The following IQCM variants were observed in gnomAD, a reference collection of about 807,000 sequenced individuals.
IQCM encodes the protein IQ domain-containing protein M.
In IQCM, 45 loss-of-function variants were observed where a neutral mutation model predicts 57.6. That is an observed-to-expected ratio of 0.78 (90% CI 0.62 to 1.00). The LOEUF (loss-of-function observed/expected upper bound fraction) is 1.00, where lower values mean the gene tolerates loss of function less well. Ranked by LOEUF, IQCM falls within the 50% of genes least tolerant of loss-of-function variation. IQCM has a pLI of 0.00. For synonymous variants in IQCM, 148 were observed against 158.9 expected (o/e 0.93, Z 0.51); for missense variants, 468 against 511.6 (o/e 0.91, Z 0.82).
intron 8 of IQCM, among the ~76,000 whole-genome samples, chr4:149,601,601 C>A (rs1382738451): frequency 6.6e-6 from 1 of 152,052 alleles, no homozygotes; most frequent in African/African-American, 2.4e-5. Context: ...CCCTCCCATC[C>A]CTGAAAAAGT....
intron 12 of IQCM, among the ~76,000 whole-genome samples, chr4:149,512,768 C>G (rs1744558886): frequency 6.6e-6 from 1 of 152,150 alleles, no homozygotes. Context: ...AATAAAGTCA[C>G]TATAGTCGTC....
rs552354079 is a variant in IQCM at position 149,590,980 on chromosome 4, A to G, written c.682-2983T>C. On this transcript the variant is annotated intron_variant, in intron 8 of 13. Coordinates refer to ENST00000636793, the MANE Select transcript of IQCM (RefSeq NM_001363507.2). ...TTTAAAAACCTGGTCTTCCCAGGCC[A>G]ATGCATTTGGAGTGACACATTCTAA... Among the ~76,000 whole-genome samples, 169 of 152,134 alleles carry G rather than the reference A, an allele frequency of 1.1e-3. 6 individuals are homozygous for G. In the South Asian group the frequency reaches 0.034, roughly 31 times the overall value.
chr4:149,389,478 A>C (rs930127162), intron 13 of IQCM, among the ~76,000 whole-genome samples: 54 of 151,810 alleles, frequency 3.6e-4, no homozygotes, highest in African/African-American at 1.3e-3. Context: ...ACAATGATAG[A>C]CTGGATTAAG....
At chr4:149,593,554 T>G (rs1753435042) in intron 8 of IQCM, among the ~76,000 whole-genome samples, 1 of 152,140 alleles carries the variant, frequency 6.6e-6, no homozygotes, top group Non-Finnish European at 1.5e-5. Flanking sequence ...AGGGAATGCT[T>G]CCAGTTTTTG....
At chr4:149,516,625 C>A (rs115010515) in intron 12 of IQCM, among the ~76,000 whole-genome samples, 419 of 152,266 alleles carry the variant, frequency 2.8e-3, no homozygotes, top group African/African-American at 9.8e-3. Flanking sequence ...GGCACTGTTT[C>A]TCCCATAGCC....
rs186813521 is a variant in IQCM, at chr4:149,594,201, G to A, written c.682-6204C>T. Among the ~76,000 whole-genome samples the A allele has an allele frequency of 1.7e-3, 261 of 152,126 alleles. 2 individuals are homozygous for A. Among genetic ancestry groups the A allele is most frequent in the Non-Finnish European group, 2.8e-3 (188 of 67,982 alleles). On this transcript the variant is annotated intron_variant, in intron 8 of 13. Coordinates refer to ENST00000636793, the MANE Select transcript of IQCM (RefSeq NM_001363507.2). ...TTAGTCTTGGGAGGGTGTATGTGTC[G>A]AGGAATTTATCCATTTCTTCTCGAT...
intron 12 of IQCM, among the ~76,000 whole-genome samples, chr4:149,434,922 C>T (rs1300664622): frequency 6.6e-6 from 1 of 151,994 alleles, no homozygotes; most frequent in African/African-American, 2.4e-5. Context: ...CTGAGTTCCA[C>T]AATGTGACAT....
At position 149,738,325 on chromosome 4, in the gene IQCM, A is replaced by C. The variant is rs7688067; in HGVS notation, c.38-2867T>G. Among the ~76,000 whole-genome samples, 1,367 of 152,298 alleles carry C rather than the reference A, an allele frequency of 9.0e-3. 10 individuals are homozygous for C. The highest frequency in any genetic ancestry group is 0.03 in the African/African-American group (1,266 of 41,568). On this transcript the variant is annotated intron_variant, in intron 3 of 13. Transcript: ENST00000636793. ...CTGACACTTGCATTTTAAGCCAGCA[A>C]TCCTGCCCCTTGTTGTCATTTAATG...
chr4:149,633,447 T>C (rs559816334), intron 7 of IQCM, among the ~76,000 whole-genome samples: 1 of 152,126 alleles, frequency 6.6e-6, no homozygotes, highest in South Asian at 2.1e-4. Context: ...TTAGGTGTTA[T>C]CTATAAAGCT....
At chr4:149,673,349 T>C (rs4026078) in intron 7 of IQCM, among the ~76,000 whole-genome samples, 94,495 of 151,166 alleles carry the variant, frequency 0.63, 32,013 homozygotes, top group African/African-American at 0.91. Flanking sequence ...AGAGTCAAGA[T>C]CCATCAGTGT....
intron 12 of IQCM, 145 bp from the exon 13 acceptor site, chr4:149,433,702 C>T: frequency 2.6e-6 from 1 of 379,738 alleles, no homozygotes; most frequent in Non-Finnish European, 4.6e-6. Flanking sequence ...GTCAAAGTTA[C>T]TTTACCAAAA....
intron 13 of IQCM, among the ~76,000 whole-genome samples, chr4:149,393,314 C>A (rs1462890404): frequency 6.6e-6 from 1 of 151,338 alleles, no homozygotes; most frequent in Non-Finnish European, 1.5e-5. Flanking sequence ...AAAATAGATA[C>A]TGTTGAGGAG....
At chr4:149,504,946 A>G (rs2149797945) in intron 12 of IQCM, among the ~76,000 whole-genome samples, 1 of 152,184 alleles carries the variant, frequency 6.6e-6, no homozygotes, top group South Asian at 2.1e-4. Context: ...CCCAGCAAGA[A>G]GACTGTCTAT....
At chr4:149,597,422 G>A (rs931293030) in intron 8 of IQCM, among the ~76,000 whole-genome samples, 3 of 152,004 alleles carry the variant, frequency 2.0e-5, no homozygotes, top group Admixed American at 6.6e-5. Context: ...ATAGAGTCTC[G>A]CTCTGCTGCC....
chr4:149,659,355 T>C (rs567488223), intron 7 of IQCM, among the ~76,000 whole-genome samples: 1 of 152,118 alleles, frequency 6.6e-6, no homozygotes, highest in African/African-American at 2.4e-5. Flanking sequence ...GGAAGAACAT[T>C]CCATACTCAC....
chr4:149,722,958 T>C (rs1484895304), intron 5 of IQCM, among the ~76,000 whole-genome samples: 1 of 152,106 alleles, frequency 6.6e-6, no homozygotes, highest in African/African-American at 2.4e-5. Flanking sequence ...TTCTGTCATT[T>C]ATGACTTCTT....
In IQCM at chr4:149,454,167, T is replaced by C. The variant is rs868386225; in HGVS notation, c.1229-20610A>G. Among the ~76,000 whole-genome samples, 930 of 144,060 alleles carry C rather than the reference T, an allele frequency of 6.5e-3. 6 individuals are homozygous for C. The highest frequency in any genetic ancestry group is 0.022 in the African/African-American group (867 of 39,252). 94.5% of individuals were successfully genotyped at this position (144,060 alleles called of 152,430 possible). On this transcript the variant is annotated intron_variant, in intron 12 of 13. Coordinates refer to ENST00000636793, the MANE Select transcript of IQCM (RefSeq NM_001363507.2). ...AATGTGATATATATATATATATATA[T>C]ACACACACACACACACACACACACA...
intron 7 of IQCM, among the ~76,000 whole-genome samples, chr4:149,631,156 C>G (rs1480812316): frequency 6.6e-6 from 1 of 152,164 alleles, no homozygotes; most frequent in Non-Finnish European, 1.5e-5. Flanking sequence ...AGGTATACAA[C>G]ACTTTACACA....
chr4:149,628,620 T>C (rs2726778), intron 7 of IQCM, among the ~76,000 whole-genome samples: 76,290 of 151,878 alleles, frequency 0.5, 19,458 homozygotes, highest in South Asian at 0.59. Flanking sequence ...CAATCAGAAA[T>C]GAAGAAAACA....
Sources: allele counts gnomAD v4.1 joint callset (sites outside exome capture counted in the v4.1 genomes callset), GRCh38; gene constraint gnomAD v4.1.1; transcripts MANE v1.5; gene names NCBI Gene and HGNC (gene_info 2026-07-23, HGNC 2026-07-21).